TNKS: variants seen among roughly 807,000 people sequenced by gnomAD.
The protein encoded by TNKS is poly [ADP-ribose] polymerase tankyrase-1.
Under a neutral mutation model 135.8 loss-of-function variants are expected in TNKS, and 72 were observed. The observed-to-expected ratio is 0.53, with a 90% CI of 0.44 to 0.64. The LOEUF is 0.64. Ranked by LOEUF, TNKS falls within the 30% of genes least tolerant of loss-of-function variation. The pLI is 0.00. For synonymous variants in TNKS, 849 were observed against 649.3 expected (o/e 1.31, Z -4.68); for missense variants, 1,769 against 1,674.0 (o/e 1.06, Z -0.99).
At chr8:9,730,841 A>G in intron 13 of TNKS, 49 bp from the exon 14 acceptor site, 1 of 1,571,800 alleles carries the variant, frequency 6.4e-7, no homozygotes, top group Non-Finnish European at 8.7e-7. Flanking sequence ...ACCTGTGAAT[A>G]AAGAGTAATG....
chr8:9,643,885 A>T (rs1800813713), intron 3 of TNKS, among the ~76,000 whole-genome samples: 1 of 152,208 alleles, frequency 6.6e-6, no homozygotes, highest in Non-Finnish European at 1.5e-5. Context: ...GTCCATCAAG[A>T]GATAAACCGA....
In TNKS at chr8:9,751,618, A is replaced by G; in HGVS notation, c.2842A>G (p.Ile948Val). ...TPLDLATADD[I>V]RALLIDAMPP... ...TTAATCATTTTTTTAGGCTGACGAT[A>G]TCAGAGCTTTGCTGATAGATGCCAT... The change falls in exon 19 of 27, where the codon ATC becomes GTC. Residue 948 changes from isoleucine (I) to valine (V), a missense_variant. Physicochemically the swap from Ile to Val is conservative, Grantham distance 29. Around this residue, in one of 5 missense-constraint regions of TNKS, gnomAD observed 722 missense variants for 688.9 expected, o/e 1.05. Coordinates refer to ENST00000310430, the MANE Select transcript of TNKS (RefSeq NM_003747.3). 6.2e-7 allele frequency: 1 copy of G among 1,613,848 alleles called. No homozygotes were observed. Among genetic ancestry groups the G allele is most frequent in the South Asian group, 1.1e-5 (1 of 90,962 alleles).
chr8:9,625,779 A>G (rs1800033105), intron 3 of TNKS, among the ~76,000 whole-genome samples: 1 of 152,128 alleles, frequency 6.6e-6, no homozygotes, highest in East Asian at 1.9e-4. Context: ...TTTGATTTTT[A>G]AATCTTTATT....
At chr8:9,643,564 A>G (rs1800800775) in intron 3 of TNKS, among the ~76,000 whole-genome samples, 1 of 152,162 alleles carries the variant, frequency 6.6e-6, no homozygotes, top group Admixed American at 6.5e-5. Flanking sequence ...GGAGGGACAC[A>G]TTCAATCCAT....
intron 2 of TNKS, among the ~76,000 whole-genome samples, chr8:9,581,510 A>G (rs976791913): frequency 2.0e-5 from 3 of 152,198 alleles, no homozygotes; most frequent in Non-Finnish European, 2.9e-5. Flanking sequence ...GCTTCAACTT[A>G]TAACATCCTC....
chr8:9,653,439 C>G (rs1801217656), intron 3 of TNKS, among the ~76,000 whole-genome samples: 2 of 151,858 alleles, frequency 1.3e-5, no homozygotes, highest in Admixed American at 6.6e-5. Flanking sequence ...TTCTGGAGAC[C>G]AGGAGGTCCA....
At chr8:9,557,772 G>A (rs577504261) in intron 1 of TNKS, 1 of 152,196 alleles carries the variant, frequency 6.6e-6, no homozygotes, top group Admixed American at 6.5e-5. Flanking sequence ...ACCCACTGTA[G>A]TATTTATTTT....
Position 9,733,332 on chromosome 8 carries a change from A to T in TNKS, c.2201A>T (p.Glu734Val). 1 of 1,607,146 alleles carries T rather than the reference A, an allele frequency of 6.2e-7. No individual in the cohort carries two copies. The highest frequency in any genetic ancestry group is 1.1e-5 in the South Asian group (1 of 89,220). ...ACSYGHYEVA[E>V]LLVRHGASVN... ...TCATATGGACACTATGAGGTGGCTGAGCTTTTAGTAAGGCATGGGGCTTCT... is the reference window on the plus strand; with the variant it reads ...TCATATGGACACTATGAGGTGGCTGTGCTTTTAGTAAGGCATGGGGCTTCT... The change falls in exon 15 of 27, where the codon GAG (glutamate) becomes GTG (valine). Residue 734 changes from glutamate (E) to valine (V), a missense_variant. Coordinates refer to ENST00000310430, the MANE Select transcript of TNKS (RefSeq NM_003747.3).
At chr8:9,669,966 G>A (rs1466914540) in intron 3 of TNKS, among the ~76,000 whole-genome samples, 4 of 152,068 alleles carry the variant, frequency 2.6e-5, no homozygotes, top group South Asian at 2.1e-4. Flanking sequence ...TCTCCTAAGC[G>A]TAATATTAGC....
At chr8:9,572,066 A>T (rs1194328352) in intron 1 of TNKS, among the ~76,000 whole-genome samples, 1 of 152,224 alleles carries the variant, frequency 6.6e-6, no homozygotes, top group East Asian at 1.9e-4. Context: ...GAGACAGGAT[A>T]GATTTGTACT....
intron 5 of TNKS, among the ~76,000 whole-genome samples, chr8:9,702,569 G>C (rs1325990021): frequency 6.6e-6 from 1 of 152,198 alleles, no homozygotes; most frequent in Non-Finnish European, 1.5e-5. Flanking sequence ...TCCAGCAGAA[G>C]TATTCTTCTA....
chr8:9,682,528 C>T (rs533039690), intron 5 of TNKS, among the ~76,000 whole-genome samples: 1 of 152,040 alleles, frequency 6.6e-6, no homozygotes, highest in South Asian at 2.1e-4. Flanking sequence ...ATTCCTCATC[C>T]AAATTCTTGT....
At chr8:9,700,034 G>C (rs1016998757) in intron 5 of TNKS, among the ~76,000 whole-genome samples, 3 of 152,078 alleles carry the variant, frequency 2.0e-5, no homozygotes, top group Non-Finnish European at 2.9e-5. Flanking sequence ...TTTATCCAAA[G>C]TCTCAGCTCA....
chr8:9,613,682 A>G (rs1240423478), intron 2 of TNKS, among the ~76,000 whole-genome samples: 1 of 152,236 alleles, frequency 6.6e-6, no homozygotes, highest in Non-Finnish European at 1.5e-5. Context: ...ATCTATTTCA[A>G]GTAAATGTTT....
At chr8:9,750,454 T>G (rs956180538) in intron 18 of TNKS, among the ~76,000 whole-genome samples, 2 of 152,210 alleles carry the variant, frequency 1.3e-5, no homozygotes, top group Non-Finnish European at 2.9e-5. Flanking sequence ...GGAAATTTCC[T>G]TAGCCAAATT....
At chr8:9,765,595 TA>T in intron 23 of TNKS, 96 bp from the exon 24 acceptor site, 1 of 1,003,150 alleles carries the variant, frequency 1.0e-6, no homozygotes, top group Non-Finnish European at 1.5e-6. Context: ...TTAAGCAAAA[TA>T]AAAATTGAAC....
At chr8:9,564,605 T>C (rs1295149077) in intron 1 of TNKS, among the ~76,000 whole-genome samples, 1 of 152,216 alleles carries the variant, frequency 6.6e-6, no homozygotes, top group Admixed American at 6.5e-5. Context: ...CTATAAAATA[T>C]TGCAGTAGAT....
intron 20 of TNKS, among the ~76,000 whole-genome samples, chr8:9,756,665 T>C (rs1290606317): frequency 6.6e-6 from 1 of 152,216 alleles, no homozygotes; most frequent in Non-Finnish European, 1.5e-5. Context: ...TCCAGATATT[T>C]CTATTTCTTT....
chr8:9,561,115 T>C (rs937860206), intron 1 of TNKS, among the ~76,000 whole-genome samples: 1 of 152,256 alleles, frequency 6.6e-6, no homozygotes, highest in African/African-American at 2.4e-5. Flanking sequence ...TGTTCTTTTA[T>C]CCGTCAATCA....
Sources: gnomAD v4.1 joint callset for allele counts (sites outside exome capture counted in the v4.1 genomes callset) on GRCh38, gnomAD v4.1.1 for gene constraint, gnomAD v4.1.1 regional missense constraint, MANE v1.5 for transcripts, NCBI Gene and HGNC (gene_info 2026-07-23, HGNC 2026-07-21) for gene names.